The following ZNF727 variants were observed in gnomAD, a reference collection of about 807,000 sequenced individuals.
ZNF727 encodes zinc finger protein 727, also known as putative zinc finger protein 727.
ZNF727 carries 11 observed loss-of-function variants against 11.5 expected under a neutral mutation model. The observed-to-expected ratio is 0.95, with a 90% CI of 0.60 to 1.58. The LOEUF (loss-of-function observed/expected upper bound fraction) is 1.58. Among genes scored for constraint, ZNF727 ranks in the 40% most tolerant of loss-of-function variants. The pLI is 0.00. For synonymous variants in ZNF727, 171 were observed against 196.1 expected, an observed-to-expected ratio of 0.87 and a Z score of 1.07; for missense variants, 533 against 581.7, an observed-to-expected ratio of 0.92 and a Z score of 0.86.
chr7:64,064,536 G>C (rs1789833060), intron 1 of ZNF727, among the ~76,000 whole-genome samples: 1 of 152,158 alleles, frequency 6.6e-6, no homozygotes, highest in African/African-American at 2.4e-5. Flanking sequence ...TTCTCCTGGA[G>C]CTGTGAACTG....
At chr7:64,066,401 A>G (rs1789869825) in intron 1 of ZNF727, among the ~76,000 whole-genome samples, 1 of 152,216 alleles carries the variant, frequency 6.6e-6, no homozygotes, top group African/African-American at 2.4e-5. Context: ...ACTTCAAACT[A>G]TTCTACAAGG....
In ZNF727 at chr7:64,068,865, C is replaced by A. The variant is rs919730295; in HGVS notation, c.4-26C>A. 5 of 1,564,108 alleles carry A rather than the reference C, an allele frequency of 3.2e-6. No homozygotes were observed. In the African/African-American group the frequency reaches 6.8e-5, roughly 21 times the overall value. On this transcript the variant is annotated intron_variant, in intron 1 of 3. Transcript: ENST00000456806. ...AAATCAAGAATTATTTCTTTGGTCA[C>A]TTGGTAAATATGTTTTGTTTTTCAG...
intron 1 of ZNF727, among the ~76,000 whole-genome samples, chr7:64,055,194 G>A (rs933912134): frequency 2.6e-5 from 4 of 151,980 alleles, no homozygotes; most frequent in African/African-American, 9.7e-5. Flanking sequence ...TGAGGTTCGC[G>A]GATCACAAGG....
chr7:64,077,946 T>C lies in ZNF727; in HGVS notation c.897T>C (p.Leu299=), dbSNP rs1785711743. 6.3e-7 allele frequency: 1 copy of C among 1,589,196 alleles called. No individual in the cohort carries two copies. Among genetic ancestry groups the C allele is most frequent in the African/African-American group, 1.4e-5 (1 of 74,012 alleles). ...CHKAFRCCSD[L]TKHKRIHTGE... ...AAGCCTTTAGGTGTTGCTCAGACCT[T>C]ACTAAACATAAGAGAATTCATACTG... Residue 299 remains leucine (L), a synonymous_variant, in exon 4 of 4, where the codon CTT becomes CTC. Transcript: ENST00000456806.
Position 64,077,617 on chromosome 7 carries a change from C to T in ZNF727, c.568C>T (p.Gln190Ter), listed in dbSNP as rs1157323314. ...KDCRLSDFTIQKRIHTADRSY... is the reference protein window; with the variant it reads ...KDCRLSDFTI ...CTGTAGGTTGTCAGATTTTACCATA[C>T]AGAAGAGAATTCATACTGCAGATAG... The change falls in exon 4 of 4, where the codon CAG becomes TAG. Residue 190 changes from glutamine (Q) to a stop codon, truncating the protein, a stop_gained. Transcript: ENST00000456806. LOFTEE classifies it low-confidence loss of function (END_TRUNC). 1.3e-6 allele frequency: 2 copies of T among 1,551,754 alleles called. No individual in the cohort carries two copies. Among genetic ancestry groups the T allele is most frequent in the Non-Finnish European group, 8.7e-7 (1 of 1,147,076 alleles).
At position 64,084,622 on chromosome 7, in the gene ZNF727, G is replaced by A. The variant is rs550793216; in HGVS notation, c.*6073G>A. Among the ~76,000 whole-genome samples the A allele has an allele frequency of 6.6e-6, 1 of 152,240 alleles. No homozygotes were observed. Among genetic ancestry groups the A allele is most frequent in the East Asian group, 1.9e-4 (1 of 5,182 alleles). ...ATTATGATGTTTGTAATGAAGATGA[G>A]TATAATGGAGCTATATGTTTCTGAA... On this transcript the variant is annotated 3_prime_UTR_variant, in exon 4 of 4. Coordinates refer to ENST00000456806, the MANE Select transcript of ZNF727 (RefSeq NM_001159522.3).
chr7:64,078,313 A>C lies in ZNF727; in HGVS notation c.1264A>C (p.Arg422=). 6.3e-7 allele frequency: 1 copy of C among 1,579,904 alleles called. No homozygotes were observed. Among genetic ancestry groups the C allele is most frequent in the South Asian group, 1.1e-5 (1 of 87,226 alleles). The change falls in exon 4 of 4, where the codon AGA becomes CGA. Residue 422 remains arginine (R), a synonymous_variant. Coordinates refer to ENST00000456806, the MANE Select transcript of ZNF727 (RefSeq NM_001159522.3). ...ACACAAGAGAATTCATATGGAAGTG[A>C]GACCTTACAAATGTGAAGAATGTGG... ...IKHKRIHMEV[R]PYKCEECGKT...
chr7:64,062,539 T>C (rs1038159811), intron 1 of ZNF727, among the ~76,000 whole-genome samples: 31 of 151,836 alleles, frequency 2.0e-4, no homozygotes, highest in African/African-American at 7.2e-4. Context: ...GTCAAACATA[T>C]TGGTGCTTGT....
intron 1 of ZNF727, among the ~76,000 whole-genome samples, chr7:64,056,088 A>C (rs144172405): frequency 6.6e-6 from 1 of 152,166 alleles, no homozygotes; most frequent in East Asian, 1.9e-4. Context: ...AGCCATTGTC[A>C]TGTGTGTGAA....
In ZNF727 at chr7:64,049,241, C is replaced by G. The variant is rs573514709; in HGVS notation, c.3+3617C>G. The stretch of plus-strand genomic sequence containing the variant: ...TAAGATTTCTAGAAACATTTTATAA[C>G]CCCTTAAAATTTTCTTTATTCTCTT... On this transcript the variant is annotated intron_variant, in intron 1 of 3. Coordinates refer to ENST00000456806, the MANE Select transcript of ZNF727 (RefSeq NM_001159522.3). 3.3e-5 allele frequency among the ~76,000 whole-genome samples: 5 copies of G among 151,968 alleles called. No individual in the cohort carries two copies. The East Asian group carries it at 9.7e-4, about 29-fold the overall frequency.
chr7:64,083,671 G>A lies in ZNF727; in HGVS notation c.*5122G>A, dbSNP rs1490386932. On this transcript the variant is annotated 3_prime_UTR_variant, in exon 4 of 4. Coordinates refer to ENST00000456806, the MANE Select transcript of ZNF727 (RefSeq NM_001159522.3). Reference sequence around the variant, plus strand: ...CCTCACCCGAAGGTTGCAGAGATCTGTGGGAGAATCATGGGTTTCTAGGGT... The same window carrying A: ...CCTCACCCGAAGGTTGCAGAGATCTATGGGAGAATCATGGGTTTCTAGGGT... 6.6e-6 allele frequency among the ~76,000 whole-genome samples: 1 copy of A among 152,206 alleles called. No individual in the cohort carries two copies. Among genetic ancestry groups the A allele is most frequent in the Non-Finnish European group, 1.5e-5 (1 of 68,038 alleles).
chr7:64,060,770 GAT>G (rs1283368187), intron 1 of ZNF727, among the ~76,000 whole-genome samples: 8 of 151,438 alleles, frequency 5.3e-5, no homozygotes, highest in African/African-American at 1.9e-4. Flanking sequence ...AGTTCTATAT[GAT>G]ACATCAATAG....
At chr7:64,058,124 C>G (rs951957256) in intron 1 of ZNF727, among the ~76,000 whole-genome samples, 1 of 152,138 alleles carries the variant, frequency 6.6e-6, no homozygotes, top group African/African-American at 2.4e-5. Flanking sequence ...AGGACATGTG[C>G]GTGCCTGTGA....
intron 1 of ZNF727, among the ~76,000 whole-genome samples, chr7:64,053,946 A>G (rs763799816): frequency 6.6e-6 from 1 of 152,148 alleles, no homozygotes; most frequent in East Asian, 1.9e-4. Context: ...CTAATTTCTC[A>G]TTGTTAATAG....
chr7:64,064,569 GA>G (rs1789833621), intron 1 of ZNF727, among the ~76,000 whole-genome samples: 1 of 152,128 alleles, frequency 6.6e-6, no homozygotes, highest in Non-Finnish European at 1.5e-5. Context: ...CTGGGGTAAG[GA>G]TGATGCAGGC....
intron 3 of ZNF727, among the ~76,000 whole-genome samples, chr7:64,074,807 C>T (rs1327058832): frequency 2.0e-5 from 3 of 152,120 alleles, no homozygotes; most frequent in African/African-American, 7.2e-5. Context: ...CTACTCAGCT[C>T]ACAGAACGCA....
rs565318167 is a variant in ZNF727, at chr7:64,069,586, A to G, written c.203A>G (p.Gln68Arg). ...AAAGAGCCTTGGAATGCGAGGAGACAGAAGACAGTAGCCAAACACCCAGGT... is the reference window on the plus strand; with the variant it reads ...AAAGAGCCTTGGAATGCGAGGAGACGGAAGACAGTAGCCAAACACCCAGGT... ...QRKEPWNARR[Q>R]KTVAKHPAGS... The change falls in exon 3 of 4, where the codon CAG becomes CGG. Residue 68 changes from glutamine (Q) to arginine (R), a missense_variant. Physicochemically the swap from Gln to Arg is conservative, Grantham distance 43. Transcript: ENST00000456806. 1.6e-4 allele frequency: 252 copies of G among 1,562,504 alleles called. 3 individuals are homozygous for G. The South Asian group carries it at 2.7e-3, about 17-fold the overall frequency.
intron 1 of ZNF727, among the ~76,000 whole-genome samples, chr7:64,047,363 T>C (rs1022763827): frequency 2.0e-5 from 3 of 152,262 alleles, no homozygotes; most frequent in Non-Finnish European, 4.4e-5. Context: ...GTGGCTCTTT[T>C]TAATTTCGTC....
In ZNF727 at chr7:64,078,442, T is replaced by G. The variant is rs1785727458; in HGVS notation, c.1393T>G (p.Ser465Ala). The change falls in exon 4 of 4, where the codon TCA (serine) becomes GCA (alanine). Residue 465 changes from serine (S) to alanine (A), a missense_variant. Physicochemically the swap from Ser to Ala is moderately conservative, Grantham distance 99. Around this residue, in one of 3 missense-constraint regions of ZNF727, gnomAD observed 54 missense variants for 48.6 expected, o/e 1.11. Transcript: ENST00000456806. ...EECGKTFTCSSSLIKHKRSHT... is the reference protein window; with the variant it reads ...EECGKTFTCSASLIKHKRSHT... The stretch of plus-strand genomic sequence containing the variant: ...ATGTGGCAAAACCTTTACCTGCTCC[T>G]CAAGCCTTATTAAACACAAGAGAAG... 2 of 1,581,040 alleles carry G rather than the reference T, an allele frequency of 1.3e-6. No homozygotes were observed. Among genetic ancestry groups the G allele is most frequent in the African/African-American group, 2.7e-5 (2 of 73,684 alleles).
Sources: allele counts gnomAD v4.1 joint callset (sites outside exome capture counted in the v4.1 genomes callset), GRCh38; gene constraint gnomAD v4.1.1; regional missense constraint gnomAD v4.1.1; transcripts MANE v1.5; gene names NCBI Gene and HGNC (gene_info 2026-07-23, HGNC 2026-07-21).